Variants in THSD7A observed in about 807,000 individuals in gnomAD.
THSD7A encodes the protein thrombospondin type-1 domain-containing protein 7A.
THSD7A carries 96 observed loss-of-function variants against 231.3 expected under a neutral mutation model. That is an observed-to-expected ratio of 0.41 (90% CI 0.35 to 0.49). THSD7A has a LOEUF of 0.49. Ranked by LOEUF, THSD7A falls within the 20% of genes least tolerant of loss-of-function variation. The pLI is 0.05. For synonymous variants in THSD7A, 940 were observed against 743.3 expected, an observed-to-expected ratio of 1.26 and a Z score of -4.30; for missense variants, 2,290 against 2,070.2, an observed-to-expected ratio of 1.11 and a Z score of -2.06.
In THSD7A at chr7:11,411,394, C is replaced by G. The variant is rs974364282; in HGVS notation, c.3683-72G>C. The G allele has an allele frequency of 5.9e-6, 6 of 1,008,592 alleles. No individual in the cohort carries two copies. The highest frequency in any genetic ancestry group is 7.5e-6 in the Non-Finnish European group (5 of 662,872). 62.5% of individuals were successfully genotyped at this position (1,008,592 alleles called of 1,614,324 possible). On this transcript the variant is annotated intron_variant, in intron 18 of 27. Transcript: ENST00000423059. This position sits in a 1 kb window ranked among gnomAD's most constrained non-coding sequence, Gnocchi z 4.1. Reference sequence around the variant, plus strand: ...AGATTTCAAATGAAACTCTGATGACCTGAATCCCATATTTAATTCACAACT... The same window carrying G: ...AGATTTCAAATGAAACTCTGATGACGTGAATCCCATATTTAATTCACAACT...
intron 6 of THSD7A, among the ~76,000 whole-genome samples, chr7:11,530,079 T>C (rs1181107439): frequency 6.6e-6 from 1 of 152,210 alleles, no homozygotes. Flanking sequence ...CTAGAGTCAG[T>C]GCTGCAATGA....
intron 1 of THSD7A, among the ~76,000 whole-genome samples, chr7:11,663,217 A>C (rs1782999076): frequency 6.6e-6 from 1 of 151,362 alleles, no homozygotes; most frequent in Admixed American, 6.6e-5. Context: ...CAGACATAAA[A>C]AAATAAGAGG....
intron 13 of THSD7A, among the ~76,000 whole-genome samples, chr7:11,438,738 C>A (rs1784710445): frequency 6.6e-6 from 1 of 151,902 alleles, no homozygotes; most frequent in African/African-American, 2.4e-5. Flanking sequence ...AGTATGATGT[C>A]CACATGGCAG....
At chr7:11,711,480 AT>A (rs1780963844) in intron 1 of THSD7A, among the ~76,000 whole-genome samples, 1 of 150,918 alleles carries the variant, frequency 6.6e-6, no homozygotes, top group African/African-American at 2.4e-5. Context: ...TCCTACATTT[AT>A]TTTTCTTTAT....
chr7:11,758,147 G>C (rs1782745254), intron 1 of THSD7A, among the ~76,000 whole-genome samples: 1 of 151,578 alleles, frequency 6.6e-6, no homozygotes, highest in Non-Finnish European at 1.5e-5. Context: ...GTCACATATA[G>C]AGAAAATGGT....
At chr7:11,538,273 C>T (rs899173163) in intron 6 of THSD7A, among the ~76,000 whole-genome samples, 9 of 151,224 alleles carry the variant, frequency 6.0e-5, no homozygotes, top group African/African-American at 9.7e-5. Context: ...ACTTTTTTTT[C>T]GAAAGTCACA....
At chr7:11,603,874 G>C (rs1291986328) in intron 2 of THSD7A, among the ~76,000 whole-genome samples, 1 of 132,086 alleles carries the variant, frequency 7.6e-6, no homozygotes, top group Admixed American at 8.1e-5. Flanking sequence ...TCTGGGGACT[G>C]TGGTGGGGTG....
intron 4 of THSD7A, among the ~76,000 whole-genome samples, chr7:11,554,843 AT>A (rs1171664913): frequency 6.6e-6 from 1 of 151,372 alleles, no homozygotes; most frequent in Non-Finnish European, 1.5e-5. Flanking sequence ...ATTTATTTTG[AT>A]TTTTTTATTC....
chr7:11,737,250 C>T (rs1190077667), intron 1 of THSD7A, among the ~76,000 whole-genome samples: 1 of 151,970 alleles, frequency 6.6e-6, no homozygotes, highest in Non-Finnish European at 1.5e-5. Flanking sequence ...AAGGTCAGAT[C>T]AGACTGAGAG....
At chr7:11,401,222 A>G (rs892212883) in intron 23 of THSD7A, among the ~76,000 whole-genome samples, 2 of 152,148 alleles carry the variant, frequency 1.3e-5, no homozygotes, top group African/African-American at 4.8e-5. Flanking sequence ...CATAATTGTT[A>G]TAAGCGTACA....
chr7:11,411,258 C>T lies in THSD7A; in HGVS notation c.3747G>A (p.Leu1249=). The T allele has an allele frequency of 3.1e-6, 5 of 1,613,862 alleles. No homozygotes were observed. The South Asian group carries it at 3.3e-5, about 11-fold the overall frequency. ...ACTTGCCATCACTTCGAACACAATCCAACATCCTTGTTTTTATTCCATTTC... is the reference window on the plus strand; with the variant it reads ...ACTTGCCATCACTTCGAACACAATCTAACATCCTTGTTTTTATTCCATTTC... The part of the protein sequence containing the change: ...VCGNGIKTRM[L]DCVRSDGKSV... The change falls in exon 19 of 28, where the codon TTG becomes TTA. Residue 1249 remains leucine (L), a synonymous_variant. Transcript: ENST00000423059. The surrounding 1 kb of genome is among the most constrained non-coding windows in gnomAD (Gnocchi z 4.1).
intron 9 of THSD7A, among the ~76,000 whole-genome samples, chr7:11,466,641 A>G (rs1304762237): frequency 6.6e-6 from 1 of 152,070 alleles, no homozygotes; most frequent in Non-Finnish European, 1.5e-5. Flanking sequence ...TTGTTCTAGG[A>G]GAAACAACAT....
intron 1 of THSD7A, among the ~76,000 whole-genome samples, chr7:11,827,680 A>G (rs944746843): frequency 3.9e-5 from 6 of 152,086 alleles, no homozygotes; most frequent in Non-Finnish European, 8.8e-5. Context: ...CTTGAAATAT[A>G]CATTTATTGA....
intron 22 of THSD7A, among the ~76,000 whole-genome samples, chr7:11,403,866 C>G (rs1463005827): frequency 1.3e-5 from 2 of 152,106 alleles, no homozygotes; most frequent in Non-Finnish European, 2.9e-5. Context: ...TTACCCGATG[C>G]CTGCCAAAGA....
chr7:11,598,088 T>C (rs1780428671), intron 2 of THSD7A, among the ~76,000 whole-genome samples: 1 of 152,174 alleles, frequency 6.6e-6, no homozygotes, highest in Non-Finnish European at 1.5e-5. Context: ...AAGGGAAATC[T>C]TACCAGTGAG....
At chr7:11,824,351 G>C (rs73045305) in intron 1 of THSD7A, among the ~76,000 whole-genome samples, 43,749 of 151,818 alleles carry the variant, frequency 0.29, 7,029 homozygotes, top group South Asian at 0.37. Flanking sequence ...ACTCATATCA[G>C]AGGTCAAGAA....
chr7:11,394,820 C>T lies in THSD7A; in HGVS notation c.4411+6975G>A, dbSNP rs145645846. Reference sequence around the variant, plus strand: ...CCTGTGGCCGAGTACTCATTTCATTCATCGGTCGGCCAGGGTCTGTGGGAC... The same window carrying T: ...CCTGTGGCCGAGTACTCATTTCATTTATCGGTCGGCCAGGGTCTGTGGGAC... On this transcript the variant is annotated intron_variant, in intron 23 of 27. Transcript: ENST00000423059. Among the ~76,000 whole-genome samples, 7 of 152,246 alleles carry T rather than the reference C, an allele frequency of 4.6e-5. No individual in the cohort carries two copies. The East Asian group carries it at 1.4e-3, about 29-fold the overall frequency.
intron 4 of THSD7A, among the ~76,000 whole-genome samples, chr7:11,545,598 T>A (rs1789345669): frequency 6.6e-6 from 1 of 152,122 alleles, no homozygotes; most frequent in Non-Finnish European, 1.5e-5. Flanking sequence ...ACTGGGCTAC[T>A]GAGCATCAAG....
intron 4 of THSD7A, among the ~76,000 whole-genome samples, chr7:11,555,124 T>C (rs1162838558): frequency 6.6e-6 from 1 of 151,944 alleles, no homozygotes; most frequent in Non-Finnish European, 1.5e-5. Flanking sequence ...ATTTACTTCT[T>C]TCCTTCTTGC....
Sources: allele counts gnomAD v4.1 joint callset (sites outside exome capture counted in the v4.1 genomes callset), GRCh38; gene constraint gnomAD v4.1.1; non-coding constraint Gnocchi (gnomAD v3.1); transcripts MANE v1.5; gene names NCBI Gene and HGNC (gene_info 2026-07-23, HGNC 2026-07-21).